DIAPH2: variants seen among roughly 807,000 people sequenced by gnomAD.
DIAPH2 encodes diaphanous related formin 2.
Under a neutral mutation model 92.7 loss-of-function variants are expected in DIAPH2, and 35 were observed. The observed-to-expected ratio is 0.38, with a 90% CI of 0.29 to 0.50. DIAPH2 has a LOEUF of 0.50. Ranked by LOEUF, DIAPH2 falls within the 20% of genes least tolerant of loss-of-function variation. The pLI, the probability that DIAPH2 is intolerant of heterozygous loss-of-function variation, is 0.94. For missense variants in DIAPH2, 701 were observed against 819.5 expected (o/e 0.86, Z 1.77); for synonymous variants, 301 against 280.4 (o/e 1.07, Z -0.73).
intron 26 of DIAPH2, among the ~76,000 whole-genome samples, chrX:97,579,725 G>A (rs2071425038): frequency 1.8e-5 from 2 of 110,319 alleles, no homozygotes; most frequent in Admixed American, 1.9e-4. Context: ...GTAGCTTGAT[G>A]GGGATGGCAT....
At chrX:96,796,703 G>T (rs1231720769) in intron 4 of DIAPH2, among the ~76,000 whole-genome samples, 2 of 111,482 alleles carry the variant, frequency 1.8e-5, no homozygotes, top group African/African-American at 3.3e-5. Flanking sequence ...TAAGCACCTT[G>T]CAATAGCATC....
chrX:97,027,508 T>C (rs1384274213), intron 17 of DIAPH2, among the ~76,000 whole-genome samples: 1 of 112,046 alleles, frequency 8.9e-6, no homozygotes, highest in African/African-American at 3.2e-5. Flanking sequence ...ATGTGCCTTA[T>C]AAATATACTT....
rs775350048 is a variant in DIAPH2 at position 96,937,283 on chromosome X, T to C, written c.1140T>C (p.Phe380=). Residue 380 remains phenylalanine (F), a synonymous_variant, in exon 11 of 27, where the codon TTT becomes TTC. Coordinates refer to ENST00000324765, the MANE Select transcript of DIAPH2 (RefSeq NM_006729.5). ...NDELDIQLKV[F]DENKEDDLTE... ...AGCTTGATATTCAGTTGAAAGTATT[T>C]GATGAAAACAAAGAAGATGACCTAA... 1.7e-5 allele frequency: 20 copies of C among 1,168,674 alleles called. No homozygotes were observed. The East Asian group carries it at 6.0e-4, about 35-fold the overall frequency.
At chrX:96,957,690 ATT>A in intron 15 of DIAPH2, 136 bp from the exon 16 acceptor site, 1 of 499,365 alleles carries the variant, frequency 2.0e-6, no homozygotes, top group Non-Finnish European at 3.3e-6. Context: ...ATATTTAGAT[ATT>A]TTAGTAATAT....
At chrX:96,993,528 G>A (rs758983618) in intron 17 of DIAPH2, among the ~76,000 whole-genome samples, 8 of 111,291 alleles carry the variant, frequency 7.2e-5, no homozygotes, top group African/African-American at 2.6e-4. Flanking sequence ...AAGAGTGAAG[G>A]GGGAAGTGCT....
chrX:97,133,513 C>T (rs764596317), intron 21 of DIAPH2, among the ~76,000 whole-genome samples: 23 of 111,723 alleles, frequency 2.1e-4, no homozygotes, highest in Non-Finnish European at 3.2e-4. Flanking sequence ...TCTCAAACTC[C>T]TGACCTCAAG....
chrX:96,871,892 A>T (rs1393089999), intron 4 of DIAPH2, among the ~76,000 whole-genome samples: 1 of 112,055 alleles, frequency 8.9e-6, no homozygotes, highest in Non-Finnish European at 1.9e-5. Flanking sequence ...ATACTATGGG[A>T]TACTGTATGG....
Position 97,072,598 on chromosome X carries a change from A to G in DIAPH2, c.2051-343A>G, listed in dbSNP as rs973042753. 5.3e-5 allele frequency among the ~76,000 whole-genome samples: 6 copies of G among 112,282 alleles called. No homozygotes were observed. In the East Asian group the frequency reaches 1.7e-3, roughly 31 times the overall value. On this transcript the variant is annotated intron_variant, in intron 17 of 26. Coordinates refer to ENST00000324765, the MANE Select transcript of DIAPH2 (RefSeq NM_006729.5). ...GAAATGCATGTCTTCCTTTTCCCTC[A>G]ATTAGTTCAGATTAGTGAGGTTGTA...
intron 22 of DIAPH2, among the ~76,000 whole-genome samples, chrX:97,177,811 T>G (rs2067505075): frequency 9.0e-6 from 1 of 110,801 alleles, no homozygotes; most frequent in Admixed American, 9.7e-5. Flanking sequence ...TGCATTTTCT[T>G]ACCTTGACCA....
intron 1 of DIAPH2, among the ~76,000 whole-genome samples, chrX:96,715,149 A>T (rs909415627): frequency 1.8e-5 from 2 of 112,177 alleles, no homozygotes; most frequent in African/African-American, 6.5e-5. Flanking sequence ...AAATTACTAC[A>T]CTAAAACTTT....
At chrX:97,202,376 TAA>T (rs1251570859) in intron 22 of DIAPH2, among the ~76,000 whole-genome samples, 3 of 111,541 alleles carry the variant, frequency 2.7e-5, no homozygotes, top group African/African-American at 9.8e-5. Flanking sequence ...GCAAATTGGA[TAA>T]AGAGTGAAGA....
intron 22 of DIAPH2, among the ~76,000 whole-genome samples, chrX:97,207,413 G>C (rs1332415469): frequency 2.7e-5 from 3 of 111,792 alleles, no homozygotes; most frequent in Non-Finnish European, 5.6e-5. Flanking sequence ...TCGCAAGAAT[G>C]GCGATGATGA....
intron 19 of DIAPH2, among the ~76,000 whole-genome samples, chrX:97,093,560 AC>A (rs1355725819): frequency 1.1e-4 from 12 of 112,278 alleles, no homozygotes; most frequent in African/African-American, 3.9e-4. Context: ...TATATGTCCT[AC>A]TTTTTAATGC....
chrX:96,951,642 C>T (rs1037530728), intron 15 of DIAPH2, among the ~76,000 whole-genome samples: 7 of 111,319 alleles, frequency 6.3e-5, no homozygotes, highest in Non-Finnish European at 1.3e-4. Context: ...TTCTAGTGTG[C>T]CCAAAATAAT....
intron 12 of DIAPH2, among the ~76,000 whole-genome samples, chrX:96,941,631 A>C (rs2065705201): frequency 9.0e-6 from 1 of 111,470 alleles, no homozygotes; most frequent in African/African-American, 3.3e-5. Flanking sequence ...TCCCTTATTG[A>C]AATTGAGAAC....
chrX:97,216,287 T>C (rs919036222), intron 22 of DIAPH2, among the ~76,000 whole-genome samples: 2 of 111,625 alleles, frequency 1.8e-5, no homozygotes, highest in Admixed American at 9.5e-5. Flanking sequence ...TAACTCATAC[T>C]ACACATTTTC....
At chrX:97,545,825 G>T in intron 26 of DIAPH2, among the ~76,000 whole-genome samples, 1 of 107,798 alleles carries the variant, frequency 9.3e-6, no homozygotes, top group Non-Finnish European at 1.9e-5. Context: ...ATACCCTCTC[G>T]GTGGTAAATT....
At chrX:96,743,691 T>C (rs965702738) in intron 3 of DIAPH2, among the ~76,000 whole-genome samples, 16 of 111,540 alleles carry the variant, frequency 1.4e-4, no homozygotes, top group African/African-American at 4.6e-4. Context: ...GCTAGGGTAA[T>C]TGGGCAGTGG....
chrX:97,596,827 A>T (rs767162347), intron 26 of DIAPH2, among the ~76,000 whole-genome samples: 1 of 112,272 alleles, frequency 8.9e-6, no homozygotes, highest in African/African-American at 3.2e-5. Flanking sequence ...ATCTCTGCTT[A>T]AAAAACATGA....
Sources: gnomAD v4.1 joint callset for allele counts (sites outside exome capture counted in the v4.1 genomes callset) on GRCh38, gnomAD v4.1.1 for gene constraint, MANE v1.5 for transcripts, NCBI Gene and HGNC (gene_info 2026-07-23, HGNC 2026-07-21) for gene names.